OXR1: variants seen among roughly 807,000 people sequenced by gnomAD.
OXR1 encodes the protein oxidation resistance 1.
Under a neutral mutation model 104.6 loss-of-function variants are expected in OXR1, and 41 were observed. The ratio of observed to expected loss-of-function variants is 0.39; its 90% CI spans 0.31 to 0.51. The LOEUF is 0.51. Among genes scored for constraint, OXR1 ranks in the 20% least tolerant of loss-of-function variants. The pLI is 0.77. For missense variants in OXR1, 955 were observed against 1,031.9 expected (o/e 0.93, Z 1.02); for synonymous variants, 348 against 348.4 (o/e 1.00, Z 0.01).
At chr8:106,557,903 A>C (rs1816402686) in intron 3 of OXR1, among the ~76,000 whole-genome samples, 1 of 152,256 alleles carries the variant, frequency 6.6e-6, no homozygotes, top group South Asian at 2.1e-4. Context: ...AGGAAAAATC[A>C]ATAAGTGATA....
At chr8:106,580,751 A>T (rs954582791) in intron 3 of OXR1, among the ~76,000 whole-genome samples, 3 of 152,002 alleles carry the variant, frequency 2.0e-5, no homozygotes, top group African/African-American at 7.3e-5. Flanking sequence ...TGTCTGTAAA[A>T]CATTATATCT....
chr8:106,328,311 A>C (rs1814563750), intron 1 of OXR1, among the ~76,000 whole-genome samples: 2 of 152,222 alleles, frequency 1.3e-5, no homozygotes, highest in African/African-American at 2.4e-5. Context: ...GTGAAATGGC[A>C]GGAACAGAGA....
chr8:106,554,456 A>G (rs1816109656), intron 3 of OXR1, among the ~76,000 whole-genome samples: 1 of 152,212 alleles, frequency 6.6e-6, no homozygotes, highest in African/African-American at 2.4e-5. Flanking sequence ...GAACTAGAAA[A>G]TGGACATTAC....
chr8:106,663,971 TCA>T (rs1371045921), intron 3 of OXR1, among the ~76,000 whole-genome samples: 1 of 152,164 alleles, frequency 6.6e-6, no homozygotes, highest in African/African-American at 2.4e-5. Context: ...AACAAAAAAC[TCA>T]CAGTGTTGGT....
rs989324229 is a variant in OXR1 at position 106,664,533 on chromosome 8, G to A, written c.221-14677G>A. On this transcript the variant is annotated intron_variant, in intron 3 of 16. Coordinates refer to ENST00000517566, the MANE Select transcript of OXR1 (RefSeq NM_001198533.2). The stretch of plus-strand genomic sequence containing the variant: ...TTTGTTTTAAGTCTAGGAATAATCA[G>A]TGTATTTGGTCTTTAAGGTATTTGT... Among the ~76,000 whole-genome samples the A allele has an allele frequency of 3.3e-5, 5 of 152,314 alleles. No homozygotes were observed. The East Asian group carries it at 5.8e-4, about 18-fold the overall frequency.
In OXR1 at chr8:106,339,526, A is replaced by G. The variant is rs1163967782; in HGVS notation, c.-138-19950A>G. Among the ~76,000 whole-genome samples the G allele has an allele frequency of 5.3e-4, 12 of 22,440 alleles. 1 individual carries two copies. Among genetic ancestry groups the G allele is most frequent in the Non-Finnish European group, 6.0e-4 (8 of 13,346 alleles). 14.7% of individuals were successfully genotyped at this position (22,440 alleles called of 152,430 possible). On this transcript the variant is annotated intron_variant, in intron 1 of 16. Transcript: ENST00000517566. ...AAAAAAAAAAAAAAAAAAAATATAT[A>G]TATATATATATATATATATATATAT...
intron 3 of OXR1, among the ~76,000 whole-genome samples, chr8:106,530,526 A>T (rs1050700957): frequency 6.6e-6 from 1 of 152,218 alleles, no homozygotes; most frequent in Non-Finnish European, 1.5e-5. Flanking sequence ...CCATGTTAAC[A>T]GTTATGACTG....
At chr8:106,666,538 T>C (rs1184761510) in intron 3 of OXR1, among the ~76,000 whole-genome samples, 1 of 152,174 alleles carries the variant, frequency 6.6e-6, no homozygotes, top group Non-Finnish European at 1.5e-5. Context: ...GGCAATGAGA[T>C]TTTGTAGTTG....
At chr8:106,687,354 T>C (rs1828836162) in intron 6 of OXR1, among the ~76,000 whole-genome samples, 1 of 152,170 alleles carries the variant, frequency 6.6e-6, no homozygotes, top group African/African-American at 2.4e-5. Context: ...GAGTCTTCTG[T>C]TATTGTTCAC....
chr8:106,472,954 A>G (rs139251524), intron 2 of OXR1, among the ~76,000 whole-genome samples: 88 of 151,902 alleles, frequency 5.8e-4, no homozygotes, highest in Admixed American at 1.6e-3. Flanking sequence ...AAACTTCCTA[A>G]CCAGTTTCTC....
intron 1 of OXR1, among the ~76,000 whole-genome samples, chr8:106,315,872 GC>G (rs1444409710): frequency 6.6e-6 from 1 of 152,122 alleles, no homozygotes; most frequent in Non-Finnish European, 1.5e-5. Context: ...GAAACAAGAG[GC>G]ATGTGGAGTA....
At chr8:106,409,894 G>A (rs1221761756) in intron 2 of OXR1, among the ~76,000 whole-genome samples, 1 of 152,092 alleles carries the variant, frequency 6.6e-6, no homozygotes, top group African/African-American at 2.4e-5. Context: ...TTACCTTGGA[G>A]AGTATATGAC....
At chr8:106,439,654 C>T (rs1283051912) in intron 2 of OXR1, among the ~76,000 whole-genome samples, 1 of 152,000 alleles carries the variant, frequency 6.6e-6, no homozygotes, top group Non-Finnish European at 1.5e-5. Context: ...CCACCTCAAT[C>T]ACCTTCTTAT....
chr8:106,723,584 A>G (rs2131473410), intron 11 of OXR1, among the ~76,000 whole-genome samples: 1 of 151,976 alleles, frequency 6.6e-6, no homozygotes, highest in African/African-American at 2.4e-5. Context: ...AGGCAGGATA[A>G]TCACTTGAAC....
At chr8:106,566,986 G>A (rs1428117603) in intron 3 of OXR1, among the ~76,000 whole-genome samples, 1 of 151,992 alleles carries the variant, frequency 6.6e-6, no homozygotes, top group Non-Finnish European at 1.5e-5. Context: ...GCAAGGGGAG[G>A]GACAGCATTA....
At chr8:106,602,155 A>G (rs369186635) in intron 3 of OXR1, among the ~76,000 whole-genome samples, 1 of 152,240 alleles carries the variant, frequency 6.6e-6, no homozygotes, top group Non-Finnish European at 1.5e-5. Flanking sequence ...AAGCCATGCC[A>G]GGATTCCTAG....
intron 8 of OXR1, among the ~76,000 whole-genome samples, chr8:106,703,491 G>A (rs1830769277): frequency 6.6e-6 from 1 of 151,574 alleles, no homozygotes; most frequent in African/African-American, 2.4e-5. Flanking sequence ...TGAGCAAAGA[G>A]CTGACATTGC....
intron 1 of OXR1, among the ~76,000 whole-genome samples, chr8:106,274,466 A>G (rs1245352095): frequency 6.6e-6 from 1 of 152,110 alleles, no homozygotes; most frequent in Non-Finnish European, 1.5e-5. Flanking sequence ...TGAAGGTATC[A>G]TCATTAGGGT....
chr8:106,698,039 G>A (rs940987871), intron 7 of OXR1: 26 of 1,566,356 alleles, frequency 1.7e-5, no homozygotes, highest in African/African-American at 4.1e-5. Flanking sequence ...TGGCTGCGGG[G>A]AGCGTTCAAA....
Sources: allele counts gnomAD v4.1 joint callset (sites outside exome capture counted in the v4.1 genomes callset), GRCh38; gene constraint gnomAD v4.1.1; transcripts MANE v1.5; gene names NCBI Gene and HGNC (gene_info 2026-07-23, HGNC 2026-07-21).